Variants in FAM3D observed in about 807,000 individuals in gnomAD.
FAM3D encodes the protein protein FAM3D.
FAM3D carries 26 observed loss-of-function variants against 29.8 expected under a neutral mutation model. That is an observed-to-expected ratio of 0.87 (90% CI 0.64 to 1.21). The LOEUF (loss-of-function observed/expected upper bound fraction) is 1.21. FAM3D is among the 50% of genes most tolerant of loss of function. FAM3D has a pLI of 0.00. For synonymous variants in FAM3D, 115 were observed against 102.3 expected, an observed-to-expected ratio of 1.12 and a Z score of -0.75; for missense variants, 253 against 290.9, an observed-to-expected ratio of 0.87 and a Z score of 0.95.
At chr3:58,645,987 C>G (rs998326872) in intron 4 of FAM3D, among the ~76,000 whole-genome samples, 2 of 152,200 alleles carry the variant, frequency 1.3e-5, no homozygotes, top group African/African-American at 4.8e-5. Flanking sequence ...TTCTGAGTCC[C>G]CAGAGGCCCC....
At chr3:58,646,222 C>T (rs2066475920) in intron 4 of FAM3D, among the ~76,000 whole-genome samples, 1 of 152,210 alleles carries the variant, frequency 6.6e-6, no homozygotes, top group African/African-American at 2.4e-5. Context: ...CACTCATTTA[C>T]TGAGCATCTA....
At chr3:58,641,411 A>T (rs1469597488) in intron 6 of FAM3D, among the ~76,000 whole-genome samples, 2 of 151,220 alleles carry the variant, frequency 1.3e-5, no homozygotes, top group East Asian at 1.9e-4. Context: ...TCCAGGCTGG[A>T]GTGCAGTGGT....
chr3:58,648,138 A>T (rs2066530762), intron 4 of FAM3D, among the ~76,000 whole-genome samples: 1 of 152,218 alleles, frequency 6.6e-6, no homozygotes, highest in African/African-American at 2.4e-5. Flanking sequence ...CCAGCAGGTG[A>T]TGTCTAAGTG....
Position 58,643,669 on chromosome 3 carries a change from C to T in FAM3D, c.315G>A (p.Leu105=), listed in dbSNP as rs760990286. The T allele has an allele frequency of 6.2e-7, 1 of 1,613,640 alleles. No homozygotes were observed. Among genetic ancestry groups the T allele is most frequent in the South Asian group, 1.1e-5 (1 of 91,040 alleles). ...NNVGRGLNIA[L]VNGTTGAVLG... is the part of the protein sequence containing the mutation. ...GATGGATATGCAACTCACCATTCACCAGGGCGATGTTTAGGCCTCTGCCCA... is the reference window on the plus strand; with the variant it reads ...GATGGATATGCAACTCACCATTCACTAGGGCGATGTTTAGGCCTCTGCCCA... The change falls in exon 6 of 10, where the codon CTG becomes CTA. Residue 105 remains leucine (L), a synonymous_variant. Transcript: ENST00000358781.
chr3:58,651,984 G>A (rs2066650113), intron 3 of FAM3D, among the ~76,000 whole-genome samples: 1 of 152,218 alleles, frequency 6.6e-6, no homozygotes, highest in East Asian at 1.9e-4. Context: ...AAGAAGGAGT[G>A]ACTGGTTTAC....
intron 2 of FAM3D, among the ~76,000 whole-genome samples, chr3:58,654,294 C>G (rs545701300): frequency 6.6e-6 from 1 of 152,204 alleles, no homozygotes; most frequent in African/African-American, 2.4e-5. Context: ...CTGGTAACAC[C>G]CTTGCCCCTG....
rs1367334491 is a variant in FAM3D at position 58,655,586 on chromosome 3, T to C, written c.-23A>G. The C allele has an allele frequency of 1.9e-6, 3 of 1,612,788 alleles. No individual in the cohort carries two copies. The East Asian group carries it at 6.7e-5, about 36-fold the overall frequency. On this transcript the variant is annotated 5_prime_UTR_variant, in exon 2 of 10. Transcript: ENST00000358781. Reference sequence around the variant, plus strand: ...CATCCTGTCCAGGTGAAGGGTGGCTTGGGGTCAGCTTCCACCTATGGAGAG... The same window carrying C: ...CATCCTGTCCAGGTGAAGGGTGGCTCGGGGTCAGCTTCCACCTATGGAGAG...
intron 1 of FAM3D, among the ~76,000 whole-genome samples, chr3:58,665,923 ACT>A (rs985521034): frequency 6.6e-6 from 1 of 151,900 alleles, no homozygotes; most frequent in Non-Finnish European, 1.5e-5. Context: ...GGATATTCAG[ACT>A]CTCTCTCCCA....
intron 8 of FAM3D, 126 bp downstream of exon 8, chr3:58,637,015 T>G: frequency 1.3e-6 from 1 of 771,958 alleles, no homozygotes; most frequent in Non-Finnish European, 2.2e-6. Context: ...CATACTTGTC[T>G]GATAATTTCC....
chr3:58,665,767 T>C (rs2067018256), intron 1 of FAM3D, among the ~76,000 whole-genome samples: 1 of 152,234 alleles, frequency 6.6e-6, no homozygotes, highest in Admixed American at 6.5e-5. Flanking sequence ...GTGGGAATAA[T>C]CATGGTGCTT....
intron 1 of FAM3D, among the ~76,000 whole-genome samples, chr3:58,664,961 G>T (rs1184268424): frequency 2.0e-5 from 3 of 152,190 alleles, no homozygotes; most frequent in South Asian, 2.1e-4. Flanking sequence ...GGGAGCAGCT[G>T]CCCCAGCACC....
chr3:58,658,748 C>A (rs1233719081), intron 1 of FAM3D, among the ~76,000 whole-genome samples: 1 of 152,174 alleles, frequency 6.6e-6, no homozygotes, highest in Non-Finnish European at 1.5e-5. Context: ...CCAAGCAAGG[C>A]CAACCAGACT....
intron 5 of FAM3D, among the ~76,000 whole-genome samples, chr3:58,644,147 GTC>G: frequency 6.6e-6 from 1 of 152,272 alleles, no homozygotes; most frequent in East Asian, 1.9e-4. Flanking sequence ...TGGGAGAATT[GTC>G]TTTCTCCACG....
At chr3:58,640,082 C>T (rs2066284553) in intron 7 of FAM3D, 45 bp downstream of exon 7, 1 of 1,607,988 alleles carries the variant, frequency 6.2e-7, no homozygotes. Flanking sequence ...CAGCCCTCTG[C>T]ACCGCACCCC....
chr3:58,660,102 CAG>C (rs2066903406), intron 1 of FAM3D, among the ~76,000 whole-genome samples: 1 of 152,164 alleles, frequency 6.6e-6, no homozygotes, highest in Non-Finnish European at 1.5e-5. Context: ...GAGATAGTGA[CAG>C]GGCTGAGGGA....
chr3:58,641,401 T>A (rs945385156), intron 6 of FAM3D, among the ~76,000 whole-genome samples: 10 of 151,676 alleles, frequency 6.6e-5, no homozygotes, highest in African/African-American at 2.4e-4. Context: ...CTCTCTGCAG[T>A]CCAGGCTGGA....
rs953387149 is a variant in FAM3D at position 58,635,426 on chromosome 3, T to G, written c.585+868A>C. Among the ~76,000 whole-genome samples the G allele has an allele frequency of 6.6e-6, 1 of 152,204 alleles. No individual in the cohort carries two copies. Among genetic ancestry groups the G allele is most frequent in the South Asian group, 2.1e-4 (1 of 4,818 alleles). ...CATTAGGGTGCTTGGTTCATTTTTG[T>G]GTGTCGGTCCCGGCCAGCTGGTTGC... On this transcript the variant is annotated intron_variant, in intron 9 of 9. Coordinates refer to ENST00000358781, the MANE Select transcript of FAM3D (RefSeq NM_138805.3). The surrounding 1 kb of genome is among the most constrained non-coding windows in gnomAD (Gnocchi z 5.2).
rs190793125 is a variant in FAM3D, at chr3:58,657,276, T to A, written c.-38-1675A>T. Among the ~76,000 whole-genome samples the A allele has an allele frequency of 4.3e-3, 634 of 149,100 alleles. 2 individuals are homozygous for A. The highest frequency in any genetic ancestry group is 0.015 in the African/African-American group (600 of 40,224). ...CAGGGACAGGGTCAGAGAGATGGGG[T>A]TGGATGGACAGACAGACATGAATAT... On this transcript the variant is annotated intron_variant, in intron 1 of 9. Coordinates refer to ENST00000358781, the MANE Select transcript of FAM3D (RefSeq NM_138805.3).
At chr3:58,652,705 T>C (rs1415769426) in intron 3 of FAM3D, among the ~76,000 whole-genome samples, 1 of 151,984 alleles carries the variant, frequency 6.6e-6, no homozygotes, top group African/African-American at 2.4e-5. Flanking sequence ...CACTCACTCA[T>C]CCATTCTCCA....
Sources: gnomAD v4.1 joint callset for allele counts (sites outside exome capture counted in the v4.1 genomes callset) on GRCh38, gnomAD v4.1.1 for gene constraint, Gnocchi (gnomAD v3.1) non-coding constraint, MANE v1.5 for transcripts, NCBI Gene and HGNC (gene_info 2026-07-23, HGNC 2026-07-21) for gene names.